SUCLG2: variants seen among roughly 807,000 people sequenced by gnomAD.
SUCLG2 encodes the protein succinate--CoA ligase [GDP-forming] subunit beta, mitochondrial.
SUCLG2 carries 42 observed loss-of-function variants against 47.9 expected under a neutral mutation model. The ratio of observed to expected loss-of-function variants is 0.88; its 90% CI spans 0.69 to 1.14. The LOEUF (loss-of-function observed/expected upper bound fraction) is 1.14. Ranked by LOEUF, SUCLG2 falls within the 50% of genes most tolerant of loss-of-function variation. The pLI is 0.00. For synonymous variants in SUCLG2, 195 were observed against 197.3 expected (o/e 0.99, Z 0.10); for missense variants, 571 against 525.9 (o/e 1.09, Z -0.84).
intron 9 of SUCLG2, among the ~76,000 whole-genome samples, chr3:67,429,038 C>T (rs1194336628): frequency 6.6e-6 from 1 of 152,060 alleles, no homozygotes; most frequent in African/African-American, 2.4e-5. Context: ...CAGGACATTA[C>T]CCAGAAGAAC....
intron 2 of SUCLG2, among the ~76,000 whole-genome samples, chr3:67,589,861 C>T (rs533924968): frequency 2.0e-5 from 3 of 152,322 alleles, no homozygotes; most frequent in South Asian, 2.1e-4. Flanking sequence ...GCACTAAACT[C>T]CACAAAGTCC....
At chr3:67,473,499 G>T (rs1704655651) in intron 9 of SUCLG2, among the ~76,000 whole-genome samples, 1 of 151,998 alleles carries the variant, frequency 6.6e-6, no homozygotes, top group South Asian at 2.1e-4. Context: ...AGTATTAAAA[G>T]GTGTGTTTTA....
At chr3:67,400,001 A>C (rs2106812202) in intron 10 of SUCLG2, among the ~76,000 whole-genome samples, 1 of 152,164 alleles carries the variant, frequency 6.6e-6, no homozygotes, top group African/African-American at 2.4e-5. Flanking sequence ...GGCAACAAAC[A>C]AACCCTGTCT....
chr3:67,473,372 G>A (rs1195906511), intron 9 of SUCLG2, among the ~76,000 whole-genome samples: 1 of 151,918 alleles, frequency 6.6e-6, no homozygotes, highest in Non-Finnish European at 1.5e-5. Context: ...TTACATTATG[G>A]AGCTCAATTA....
At chr3:67,400,547 G>C (rs1702658782) in intron 10 of SUCLG2, among the ~76,000 whole-genome samples, 184 bp downstream of exon 10, 2 of 152,096 alleles carry the variant, frequency 1.3e-5, no homozygotes, top group South Asian at 4.1e-4. Flanking sequence ...TGCCATACTT[G>C]GAGAGCTAAA....
intron 1 of SUCLG2, among the ~76,000 whole-genome samples, chr3:67,649,425 T>C (rs1451942028): frequency 6.6e-6 from 1 of 152,250 alleles, no homozygotes; most frequent in African/African-American, 2.4e-5. Context: ...ACATAAATGA[T>C]ATTTGTTTGA....
At chr3:67,623,719 C>T (rs1003521103) in intron 1 of SUCLG2, among the ~76,000 whole-genome samples, 3 of 152,180 alleles carry the variant, frequency 2.0e-5, no homozygotes, top group African/African-American at 7.2e-5. Flanking sequence ...GGCCCAAACA[C>T]ATCACCAGTG....
chr3:67,381,873 AG>A (rs1387957546), intron 10 of SUCLG2, among the ~76,000 whole-genome samples: 1 of 152,180 alleles, frequency 6.6e-6, no homozygotes, highest in Non-Finnish European at 1.5e-5. Flanking sequence ...CACTGGGTGG[AG>A]TAAGAGAGCT....
intron 2 of SUCLG2, among the ~76,000 whole-genome samples, chr3:67,555,373 C>T (rs1318921484): frequency 1.3e-5 from 2 of 152,214 alleles, no homozygotes; most frequent in Admixed American, 1.3e-4. Context: ...TGTATACTTA[C>T]ATATACATAT....
intron 6 of SUCLG2, among the ~76,000 whole-genome samples, chr3:67,511,510 C>A (rs945546046): frequency 6.6e-6 from 1 of 152,130 alleles, no homozygotes; most frequent in Non-Finnish European, 1.5e-5. Context: ...TTCCTCTGCA[C>A]AAGCTCTCTT....
Position 67,520,338 on chromosome 3 carries a change from C to A in SUCLG2, c.570+144G>T, listed in dbSNP as rs535198803. On this transcript the variant is annotated intron_variant, in intron 5 of 10. Transcript: ENST00000307227. ...TCCACCCAACTTTCAACTGGATACC[C>A]AGAAAGAAAAAGGGCTCAGCATCTT... 5.0e-5 allele frequency: 60 copies of A among 1,195,434 alleles called. 4 individuals are homozygous for A. The South Asian group carries it at 8.3e-4, about 17-fold the overall frequency. The allele number at this position is 1,195,434 out of a possible 1,614,324, so 74.1% of individuals were successfully genotyped here.
chr3:67,564,978 CTTT>C (rs894881594), intron 2 of SUCLG2, among the ~76,000 whole-genome samples: 1 of 144,694 alleles, frequency 6.9e-6, no homozygotes, highest in Non-Finnish European at 1.5e-5. Context: ...CTTCCCACTG[CTTT>C]TTTTTTTTTA....
At position 67,541,416 on chromosome 3, in the gene SUCLG2, T is replaced by C. The variant is rs545324560; in HGVS notation, c.227-12230A>G. Among the ~76,000 whole-genome samples the C allele has an allele frequency of 3.3e-3, 502 of 152,010 alleles. 4 individuals carry two copies. The highest frequency in any genetic ancestry group is 0.011 in the African/African-American group (476 of 41,456). The stretch of plus-strand genomic sequence containing the variant: ...AGTATCAATAGCTAGATCGATCAAG[T>C]GGAAGAAAGGATATCAGAGATTGAA... On this transcript the variant is annotated intron_variant, in intron 2 of 10. Coordinates refer to ENST00000307227, the MANE Select transcript of SUCLG2 (RefSeq NM_003848.4).
chr3:67,628,181 TTTC>T (rs1700867435), intron 1 of SUCLG2, among the ~76,000 whole-genome samples: 1 of 152,234 alleles, frequency 6.6e-6, no homozygotes, highest in South Asian at 2.1e-4. Context: ...TGTTTCATAC[TTTC>T]TTATGTGTAC....
chr3:67,646,300 G>C (rs953218525), intron 1 of SUCLG2, among the ~76,000 whole-genome samples: 4 of 152,040 alleles, frequency 2.6e-5, no homozygotes, highest in Admixed American at 6.6e-5. Context: ...AGACAATATC[G>C]AAACAATAAA....
chr3:67,433,146 C>T (rs1368455047), intron 9 of SUCLG2, among the ~76,000 whole-genome samples: 2 of 152,064 alleles, frequency 1.3e-5, no homozygotes, highest in African/African-American at 2.4e-5. Context: ...CTAGCCATTT[C>T]CTCTAGTAAA....
intron 2 of SUCLG2, among the ~76,000 whole-genome samples, chr3:67,544,498 C>T (rs1396841968): frequency 6.6e-6 from 1 of 152,166 alleles, no homozygotes. Flanking sequence ...TCGCCTTCCA[C>T]CATGATTGTA....
At chr3:67,535,805 C>T (rs1706525306) in intron 2 of SUCLG2, among the ~76,000 whole-genome samples, 1 of 152,130 alleles carries the variant, frequency 6.6e-6, no homozygotes, top group African/African-American at 2.4e-5. Flanking sequence ...TACCTAATCA[C>T]AATGAACTGC....
intron 9 of SUCLG2, among the ~76,000 whole-genome samples, chr3:67,481,358 T>A (rs1454769277): frequency 6.6e-6 from 1 of 152,232 alleles, no homozygotes; most frequent in Non-Finnish European, 1.5e-5. Flanking sequence ...GACTTCTTGG[T>A]CACAACTTCT....
Sources: allele counts gnomAD v4.1 joint callset (sites outside exome capture counted in the v4.1 genomes callset), GRCh38; gene constraint gnomAD v4.1.1; transcripts MANE v1.5; gene names NCBI Gene and HGNC (gene_info 2026-07-23, HGNC 2026-07-21).